Variants in BMPR1A observed in about 807,000 individuals in gnomAD.
BMPR1A encodes the protein bone morphogenetic protein receptor type-1A.
A neutral mutation model predicts 66.0 loss-of-function variants in BMPR1A; 7 were observed. That is an observed-to-expected ratio of 0.11 (90% CI 0.06 to 0.20). The LOEUF (loss-of-function observed/expected upper bound fraction) is 0.20, where lower values mean the gene tolerates loss of function less well. Ranked by LOEUF, BMPR1A falls within the 10% of genes least tolerant of loss-of-function variation. BMPR1A has a pLI of 1.00. For synonymous variants in BMPR1A, 200 were observed against 229.7 expected, an observed-to-expected ratio of 0.87 and a Z score of 1.17; for missense variants, 408 against 669.1, an observed-to-expected ratio of 0.61 and a Z score of 4.31.
chr10:86,889,507 ACT>A (rs1345957782), intron 3 of BMPR1A: 1 of 152,600 alleles, frequency 6.6e-6, no homozygotes, highest in African/African-American at 2.4e-5. Context: ...ATGATTGGAA[ACT>A]CTCACAGACT....
intron 2 of BMPR1A, among the ~76,000 whole-genome samples, chr10:86,861,069 C>T (rs927977718): frequency 3.3e-5 from 5 of 152,028 alleles, no homozygotes; most frequent in Admixed American, 2.0e-4. Context: ...TCTCAATCTC[C>T]TGACCTTGTG....
chr10:86,812,988 C>G (rs1455004581), intron 1 of BMPR1A, among the ~76,000 whole-genome samples: 2 of 152,198 alleles, frequency 1.3e-5, no homozygotes, highest in African/African-American at 4.8e-5. Context: ...TCCTCTCAAC[C>G]CCTGGCACTG....
At chr10:86,853,836 C>T (rs1046937649) in intron 2 of BMPR1A, among the ~76,000 whole-genome samples, 6 of 152,138 alleles carry the variant, frequency 3.9e-5, no homozygotes, top group Non-Finnish European at 7.4e-5. Flanking sequence ...GGAGGCAGGG[C>T]GAGATCACAG....
chr10:86,898,140 G>C (rs924425646), intron 5 of BMPR1A, among the ~76,000 whole-genome samples: 1 of 151,630 alleles, frequency 6.6e-6, no homozygotes, highest in Admixed American at 6.6e-5. Flanking sequence ...GGCTGGACTT[G>C]AACTCCTAGG....
At chr10:86,909,021 G>T (rs1374658065) in intron 7 of BMPR1A, among the ~76,000 whole-genome samples, 2 of 152,168 alleles carry the variant, frequency 1.3e-5, no homozygotes, top group African/African-American at 4.8e-5. Flanking sequence ...GTGCTCTGGG[G>T]CAGGGGGAAG....
intron 1 of BMPR1A, among the ~76,000 whole-genome samples, chr10:86,823,555 T>C (rs1482704091): frequency 6.6e-6 from 1 of 152,226 alleles, no homozygotes; most frequent in East Asian, 1.9e-4. Flanking sequence ...CATCCTGACA[T>C]CTTGGCTGCT....
intron 1 of BMPR1A, among the ~76,000 whole-genome samples, chr10:86,804,122 TCTC>T: frequency 6.6e-6 from 1 of 152,222 alleles, no homozygotes; most frequent in Non-Finnish European, 1.5e-5. Context: ...TTCAGTTTAT[TCTC>T]ATAGGGGATT....
chr10:86,797,068 C>CTTTTTTTTTTTTTTTTTTT (rs780930060), intron 1 of BMPR1A, among the ~76,000 whole-genome samples: 4 of 105,026 alleles, frequency 3.8e-5, no homozygotes, highest in East Asian at 5.3e-4. Flanking sequence ...CTTTTCTTTT[C>CTTTTTTTTTTTTTTTTTTT]TTTTTTTTTT....
At chr10:86,769,664 G>T (rs974011469) in intron 1 of BMPR1A, among the ~76,000 whole-genome samples, 6 of 152,158 alleles carry the variant, frequency 3.9e-5, no homozygotes, top group Admixed American at 3.9e-4. Context: ...GCCTAGCAGG[G>T]AGCACTGTAG....
downstream of BMPR1A, chr10:86,928,700 G>A (rs1339586234): frequency 6.6e-6 from 1 of 151,824 alleles, no homozygotes; most frequent in Non-Finnish European, 1.5e-5. Context: ...TGTCACTCAG[G>A]GTGGAGTGCA....
intron 2 of BMPR1A, among the ~76,000 whole-genome samples, chr10:86,866,423 T>G (rs1035419670): frequency 6.3e-5 from 9 of 142,342 alleles, no homozygotes; most frequent in Admixed American, 4.9e-4. Context: ...TTTTTTTTTT[T>G]TTTGAGATGG....
chr10:86,869,343 AGCTACTCCGAGG>A (rs2133282526), intron 2 of BMPR1A, among the ~76,000 whole-genome samples: 1 of 151,958 alleles, frequency 6.6e-6, no homozygotes, highest in South Asian at 2.1e-4. Flanking sequence ...CTGTAGTCCC[AGCTACTCCGAGG>A]CTGAAGCAGG....
chr10:86,758,026 G>A (rs1265938629), intron 1 of BMPR1A, among the ~76,000 whole-genome samples: 1 of 152,224 alleles, frequency 6.6e-6, no homozygotes, highest in East Asian at 1.9e-4. Context: ...TTGAATTAGA[G>A]TGTAACTTAA....
intron 7 of BMPR1A, among the ~76,000 whole-genome samples, chr10:86,905,148 G>A (rs550891920): frequency 7.9e-5 from 12 of 152,086 alleles, no homozygotes; most frequent in East Asian, 5.8e-4. Context: ...ATTTAGATAC[G>A]TCTGCAATTT....
chr10:86,835,548 TCAAAAAA>T (rs1842331734), intron 1 of BMPR1A, among the ~76,000 whole-genome samples: 8 of 11,278 alleles, frequency 7.1e-4, no homozygotes, highest in African/African-American at 1.7e-3. Context: ...AGACTCTGTA[TCAAAAAA>T]AAAAAAAAAA....
intron 5 of BMPR1A, among the ~76,000 whole-genome samples, chr10:86,898,025 T>C (rs1843250815): frequency 6.6e-6 from 1 of 152,080 alleles, no homozygotes; most frequent in Non-Finnish European, 1.5e-5. Flanking sequence ...CCAAAACCCT[T>C]GTATTTTCTG....
intron 1 of BMPR1A, among the ~76,000 whole-genome samples, chr10:86,799,102 A>G (rs556118390): frequency 5.3e-5 from 8 of 152,344 alleles, no homozygotes; most frequent in African/African-American, 1.9e-4. Flanking sequence ...TTAAGGAGTT[A>G]AAGTTTTAGC....
intron 1 of BMPR1A, among the ~76,000 whole-genome samples, chr10:86,836,987 G>C (rs1842358012): frequency 6.6e-6 from 1 of 152,210 alleles, no homozygotes; most frequent in South Asian, 2.1e-4. Context: ...GTTTGTACAT[G>C]TGGGAAAACA....
At chr10:86,756,294 C>T (rs1011407146), upstream of BMPR1A, 6 of 152,164 alleles carry the variant, frequency 3.9e-5, no homozygotes, top group African/African-American at 1.2e-4. Context: ...CGGGCGGCAG[C>T]TGTGGGGCTG....
Sources: allele counts gnomAD v4.1 joint callset (sites outside exome capture counted in the v4.1 genomes callset), GRCh38; gene constraint gnomAD v4.1.1; transcripts MANE v1.5; gene names NCBI Gene and HGNC (gene_info 2026-07-23, HGNC 2026-07-21).